The following NLRP5 variants were observed in gnomAD, a reference collection of about 807,000 sequenced individuals.
The protein encoded by NLRP5 is NLR family pyrin domain containing 5.
In NLRP5, 93 loss-of-function variants were observed where a neutral mutation model predicts 113.1. The observed-to-expected ratio is 0.82, with a 90% confidence interval of 0.70 to 0.98. NLRP5 has a LOEUF of 0.98. Among genes scored for constraint, NLRP5 ranks in the 50% least tolerant of loss-of-function variants. The pLI, the probability that NLRP5 is intolerant of heterozygous loss-of-function variation, is 0.00. For missense variants in NLRP5, 1,808 were observed against 1,514.3 expected (o/e 1.19, Z -3.22); for synonymous variants, 751 against 600.7 (o/e 1.25, Z -3.66).
chr19:56,044,859 G>C (rs768923078), intron 11 of NLRP5, among the ~76,000 whole-genome samples: 2 of 152,154 alleles, frequency 1.3e-5, no homozygotes, highest in Non-Finnish European at 2.9e-5. Context: ...GTGTCCATTT[G>C]TTCGTGTCGT....
At chr19:56,031,306 A>G (rs1983103238) in intron 7 of NLRP5, among the ~76,000 whole-genome samples, 1 of 151,860 alleles carries the variant, frequency 6.6e-6, no homozygotes, top group Non-Finnish European at 1.5e-5. Context: ...CCTCCACTCT[A>G]CTTTCTGCTA....
chr19:56,011,573 A>G (rs1369750881), intron 3 of NLRP5, among the ~76,000 whole-genome samples: 2 of 152,190 alleles, frequency 1.3e-5, no homozygotes, highest in South Asian at 2.1e-4. Context: ...TATGACGACT[A>G]CAAAGCCCAG....
chr19:56,052,261 TTGTTTTTGTTTC>T (rs201141297), intron 12 of NLRP5, among the ~76,000 whole-genome samples: 22 of 131,112 alleles, frequency 1.7e-4, no homozygotes, highest in Admixed American at 6.0e-4. Context: ...GTTTTTGTTT[TTGTTTTTGTTTC>T]TGTTTTTGTT....
chr19:55,987,744 G>T, the NLRP5 span: 1 of 1,139,116 alleles, frequency 8.8e-7, no homozygotes, highest in South Asian at 1.2e-5. Flanking sequence ...GAGACAAAAT[G>T]CAAGCTTAGG....
Position 56,032,610 on chromosome 19 carries a change from G to A in NLRP5, c.2277-1G>A. ...CCATGTTTCTATCCCCCCTGACATAGGATGCGGGATAAGACCCTCATTGAG... is the reference window on the plus strand; with the variant it reads ...CCATGTTTCTATCCCCCCTGACATAAGATGCGGGATAAGACCCTCATTGAG... On this transcript the variant is annotated splice_acceptor_variant, in intron 7 of 14. Transcript: ENST00000390649. LOFTEE classifies it high-confidence loss of function. The A allele has an allele frequency of 6.2e-7, 1 of 1,610,742 alleles. No individual in the cohort carries two copies. Among genetic ancestry groups the A allele is most frequent in the Non-Finnish European group, 8.5e-7 (1 of 1,177,996 alleles).
chr19:56,028,271 A>AC lies in NLRP5; in HGVS notation c.2042dup (p.Gly682ArgfsTer34). ...GTTGGGTCAGCAGCCTAATGCCACC[A>AC]CCCCAGGAGACACCCTGGACGCCTT... On this transcript the variant is annotated frameshift_variant, in exon 7 of 15. Coordinates refer to ENST00000390649, the MANE Select transcript of NLRP5 (RefSeq NM_153447.4). LOFTEE classifies it high-confidence loss of function. 5 of 1,613,838 alleles carry AC rather than the reference A, an allele frequency of 3.1e-6. No homozygotes were observed. The highest frequency in any genetic ancestry group is 4.2e-6 in the Non-Finnish European group (5 of 1,179,870).
At chr19:56,053,831 T>C (rs191528786) in intron 13 of NLRP5, 23 bp downstream of exon 13, 1 of 1,608,470 alleles carries the variant, frequency 6.2e-7, no homozygotes, top group South Asian at 1.1e-5. Flanking sequence ...GGCGCCTCTT[T>C]GCGGGCCGGG....
intron 13 of NLRP5, among the ~76,000 whole-genome samples, chr19:56,054,241 G>A (rs1984042657): frequency 6.6e-6 from 1 of 152,070 alleles, no homozygotes. Flanking sequence ...CCAATATAGT[G>A]GACTATGGTT....
chr19:55,994,740 G>A (rs1309334683), upstream of NLRP5, among the ~76,000 whole-genome samples: 1 of 152,180 alleles, frequency 6.6e-6, no homozygotes, highest in African/African-American at 2.4e-5. Flanking sequence ...CTGTACAGAA[G>A]CTCTTTAGTT....
At chr19:56,024,584 T>TACATACAC (rs1555766951) in intron 6 of NLRP5, among the ~76,000 whole-genome samples, 8 of 147,314 alleles carry the variant, frequency 5.4e-5, no homozygotes, top group African/African-American at 2.0e-4. Flanking sequence ...TATATATACA[T>TACATACAC]ACACACACAC....
rs2123305643 is a variant in NLRP5, at chr19:56,027,845, G to A, written c.1612G>A (p.Gly538Arg). ...GCGCTTCTGCCGTATGGCTGTGGAG[G>A]GAGTGTGGAATAGGAAGTCAGTGTT... is the stretch of plus-strand genomic sequence containing the variant. The change falls in exon 7 of 15, where the codon GGA (glycine) becomes AGA (arginine). Residue 538 changes from glycine (G) to arginine (R), a missense_variant. By Grantham distance (125) the Gly-to-Arg change is moderately radical. Transcript: ENST00000390649. 6.2e-7 allele frequency: 1 copy of A among 1,613,962 alleles called. No individual in the cohort carries two copies. Among genetic ancestry groups the A allele is most frequent in the Non-Finnish European group, 8.5e-7 (1 of 1,179,876 alleles).
intron 4 of NLRP5, 193 bp from the exon 5 acceptor site, chr19:56,019,149 G>A (rs1009330240): frequency 3.1e-6 from 2 of 639,146 alleles, no homozygotes; most frequent in Non-Finnish European, 5.5e-6. Flanking sequence ...ATGAGCCTGG[G>A]ACCCTCACCC....
At chr19:56,048,084 T>G (rs306433) in intron 11 of NLRP5, among the ~76,000 whole-genome samples, 1 of 151,964 alleles carries the variant, frequency 6.6e-6, no homozygotes, top group Non-Finnish European at 1.5e-5. Context: ...TGCCTTTTTG[T>G]ACCCCTTTAC....
At chr19:55,987,764 C>T in the NLRP5 span, 1 of 1,360,644 alleles carries the variant, frequency 7.3e-7, no homozygotes, top group Non-Finnish European at 1.1e-6. Flanking sequence ...GGAAGTCACT[C>T]ATCCTCAGAA....
chr19:55,999,414 C>G (rs774028969), upstream of NLRP5, among the ~76,000 whole-genome samples: 11 of 151,918 alleles, frequency 7.2e-5, no homozygotes, highest in Admixed American at 7.2e-4. Flanking sequence ...TGGGGTTTCA[C>G]CATGTTAGCC....
At chr19:56,060,928 A>T (rs1476999753) in intron 14 of NLRP5, among the ~76,000 whole-genome samples, 1 of 152,200 alleles carries the variant, frequency 6.6e-6, no homozygotes, top group Non-Finnish European at 1.5e-5. Context: ...AGGCAGCATT[A>T]TTATTAGAAA....
chr19:56,018,532 T>C (rs1031400287), intron 4 of NLRP5: 1 of 152,234 alleles, frequency 6.6e-6, no homozygotes, highest in Admixed American at 6.5e-5. Context: ...AGTAACTTGA[T>C]GAAGATCTTA....
Position 56,032,904 on chromosome 19 carries a change from A to C in NLRP5, c.2447+123A>C, listed in dbSNP as rs569155612. 18 of 971,788 alleles carry C rather than the reference A, an allele frequency of 1.9e-5. No individual in the cohort carries two copies. The African/African-American group carries it at 2.8e-4, about 15-fold the overall frequency. 60.2% of individuals were successfully genotyped at this position (971,788 alleles called of 1,614,324 possible). A position where few individuals can be genotyped will look rare whatever the true frequency, so the allele number is the denominator to read the frequency against. On this transcript the variant is annotated intron_variant, in intron 8 of 14. Transcript: ENST00000390649. ...AGCCTGAGGGCATAAGTGCCACCAA[A>C]GGTGTAGGAACCAAGTTCCCAAAAG...
intron 1 of NLRP5, among the ~76,000 whole-genome samples, chr19:56,002,933 G>A (rs543437834): frequency 5.6e-4 from 85 of 152,078 alleles, no homozygotes; most frequent in African/African-American, 1.8e-3. Context: ...CTAGAATGGC[G>A]ATCATTAAAA....
Sources: allele counts gnomAD v4.1 joint callset (sites outside exome capture counted in the v4.1 genomes callset), GRCh38; gene constraint gnomAD v4.1.1; transcripts MANE v1.5; gene names NCBI Gene and HGNC (gene_info 2026-07-23, HGNC 2026-07-21).